GMDS: variants seen among roughly 807,000 people sequenced by gnomAD.
GMDS encodes GDP-mannose 4,6 dehydratase.
GMDS carries 20 observed loss-of-function variants against 49.9 expected under a neutral mutation model. The observed-to-expected ratio is 0.40, with a 90% CI of 0.28 to 0.58. GMDS has a LOEUF of 0.58. Ranked by LOEUF, GMDS falls within the 20% of genes least tolerant of loss-of-function variation. The pLI is 0.42. For missense variants in GMDS, 362 were observed against 481.4 expected (o/e 0.75, Z 2.32); for synonymous variants, 177 against 178.6 (o/e 0.99, Z 0.07).
intron 9 of GMDS, among the ~76,000 whole-genome samples, chr6:1,667,791 G>A (rs903810723): frequency 1.4e-5 from 2 of 144,976 alleles, no homozygotes; most frequent in African/African-American, 4.9e-5. Context: ...TTTGCCTTAA[G>A]GTGGCCATTC....
chr6:2,091,180 A>G (rs1214047967), intron 4 of GMDS, among the ~76,000 whole-genome samples: 1 of 152,244 alleles, frequency 6.6e-6, no homozygotes, highest in African/African-American at 2.4e-5. Flanking sequence ...AGATGTTTGG[A>G]TAGATGTGAA....
At chr6:2,230,283 C>T (rs1037377649) in intron 1 of GMDS, among the ~76,000 whole-genome samples, 2 of 152,136 alleles carry the variant, frequency 1.3e-5, no homozygotes, top group Admixed American at 6.5e-5. Context: ...TTATTAGCTA[C>T]GTATATTTAC....
intron 9 of GMDS, among the ~76,000 whole-genome samples, chr6:1,687,556 TC>T (rs1413307932): frequency 1.1e-3 from 4 of 3,522 alleles, no homozygotes; most frequent in African/African-American, 4.8e-3. Flanking sequence ...CCAGGCACCG[TC>T]CTTCTCCTGT....
chr6:2,222,064 G>A (rs1161949864), intron 1 of GMDS, among the ~76,000 whole-genome samples: 1 of 152,254 alleles, frequency 6.6e-6, no homozygotes, highest in African/African-American at 2.4e-5. Context: ...CAATGTTTCA[G>A]TCTAGGCTCC....
At chr6:2,243,627 C>A (rs188085129) in intron 1 of GMDS, among the ~76,000 whole-genome samples, 1 of 152,222 alleles carries the variant, frequency 6.6e-6, no homozygotes, top group East Asian at 1.9e-4. Context: ...GTCTTACTGC[C>A]TCAATTCAAG....
rs115891202 is a variant in GMDS, at chr6:2,148,186, C to T, written c.103-23455G>A. The stretch of plus-strand genomic sequence containing the variant: ...CAAAAGCATTTTTAGAGTAGTAAAA[C>T]CTTAAGTTCCTTGCTAGAAGGGCTG... On this transcript the variant is annotated intron_variant, in intron 1 of 10. Coordinates refer to ENST00000380815, the MANE Select transcript of GMDS (RefSeq NM_001500.4). 5.7e-3 allele frequency among the ~76,000 whole-genome samples: 864 copies of T among 152,110 alleles called. 2 individuals are homozygous for T. The highest frequency in any genetic ancestry group is 0.017 in the Middle Eastern group (5 of 294).
intron 1 of GMDS, among the ~76,000 whole-genome samples, chr6:2,242,007 G>A (rs146038116): frequency 6.6e-6 from 1 of 152,152 alleles, no homozygotes; most frequent in African/African-American, 2.4e-5. Context: ...GAGGTAACAG[G>A]CTGAAAATGA....
At chr6:2,233,294 C>CTCA (rs1309238676) in intron 1 of GMDS, among the ~76,000 whole-genome samples, 1 of 152,218 alleles carries the variant, frequency 6.6e-6, no homozygotes, top group Non-Finnish European at 1.5e-5. Flanking sequence ...ATCCTTCTGT[C>CTCA]TCCACATTCT....
chr6:2,209,564 T>TAC (rs1393732535), intron 1 of GMDS, among the ~76,000 whole-genome samples: 5 of 112,924 alleles, frequency 4.4e-5, no homozygotes, highest in African/African-American at 1.9e-4. Context: ...TACATACACA[T>TAC]ACACATACAC....
intron 1 of GMDS, among the ~76,000 whole-genome samples, chr6:2,166,632 T>A (rs1357735453): frequency 6.6e-6 from 1 of 152,134 alleles, no homozygotes; most frequent in Admixed American, 6.6e-5. Flanking sequence ...GTAAGAAGAT[T>A]TATGTGAAGA....
At chr6:2,089,629 T>TAA (rs1175810447) in intron 4 of GMDS, among the ~76,000 whole-genome samples, 1 of 152,230 alleles carries the variant, frequency 6.6e-6, no homozygotes, top group Non-Finnish European at 1.5e-5. Flanking sequence ...CTATGTGTTG[T>TAA]TCACTGCTTT....
At position 1,782,717 on chromosome 6, in the gene GMDS, T is replaced by C. The variant is rs891312236; in HGVS notation, c.772-40131A>G. On this transcript the variant is annotated intron_variant, in intron 7 of 10. Coordinates refer to ENST00000380815, the MANE Select transcript of GMDS (RefSeq NM_001500.4). ...AATAAGTACGGGTGAAATGAGAACATAGATCAAAATGAAATAAAACACTTA... is the reference window on the plus strand; with the variant it reads ...AATAAGTACGGGTGAAATGAGAACACAGATCAAAATGAAATAAAACACTTA... 3.9e-5 allele frequency among the ~76,000 whole-genome samples: 6 copies of C among 152,210 alleles called. No homozygotes were observed. The South Asian group carries it at 1.0e-3, about 26-fold the overall frequency.
intron 4 of GMDS, among the ~76,000 whole-genome samples, chr6:2,074,824 T>C (rs1188347869): frequency 1.3e-5 from 2 of 152,074 alleles, no homozygotes; most frequent in African/African-American, 4.8e-5. Flanking sequence ...CTTCCTATAC[T>C]GGGAGAAAGT....
intron 9 of GMDS, among the ~76,000 whole-genome samples, chr6:1,695,768 T>A (rs2113348961): frequency 6.6e-6 from 1 of 152,222 alleles, no homozygotes; most frequent in East Asian, 1.9e-4. Context: ...GTCCCACGTG[T>A]TCTTTTCCAG....
intron 4 of GMDS, among the ~76,000 whole-genome samples, chr6:2,037,341 G>A (rs143764745): frequency 2.2e-4 from 33 of 152,298 alleles, no homozygotes. Context: ...CGACGTTGTT[G>A]TAACCAGAGC....
intron 1 of GMDS, among the ~76,000 whole-genome samples, chr6:2,173,402 A>T (rs1005996694): frequency 1.3e-5 from 2 of 152,334 alleles, no homozygotes; most frequent in Middle Eastern, 3.4e-3. Flanking sequence ...CCAGCCGATG[A>T]TTTGATAACT....
chr6:2,109,609 G>A (rs1351506561), intron 4 of GMDS, among the ~76,000 whole-genome samples: 2 of 152,204 alleles, frequency 1.3e-5, no homozygotes, highest in African/African-American at 4.8e-5. Context: ...GGTCTGGTGT[G>A]GACCTGGATA....
chr6:1,934,227 G>A (rs1001138381), intron 6 of GMDS, among the ~76,000 whole-genome samples: 1 of 152,196 alleles, frequency 6.6e-6, no homozygotes, highest in Non-Finnish European at 1.5e-5. Flanking sequence ...TTTCATTGAT[G>A]TACTTACTCT....
At chr6:1,877,971 C>A (rs1266988995) in intron 7 of GMDS, among the ~76,000 whole-genome samples, 2 of 152,154 alleles carry the variant, frequency 1.3e-5, no homozygotes, top group African/African-American at 4.8e-5. Context: ...TTGGCTACAT[C>A]CTTGGTATGA....
Sources: allele counts gnomAD v4.1 joint callset (sites outside exome capture counted in the v4.1 genomes callset), GRCh38; gene constraint gnomAD v4.1.1; transcripts MANE v1.5; gene names NCBI Gene and HGNC (gene_info 2026-07-23, HGNC 2026-07-21).